TMEM216: variants seen among roughly 807,000 people sequenced by gnomAD.
The protein encoded by TMEM216 is transmembrane protein 216.
In TMEM216, 15 loss-of-function variants were observed where a neutral mutation model predicts 17.8. That is an observed-to-expected ratio of 0.84 (90% confidence interval 0.56 to 1.30). The LOEUF (loss-of-function observed/expected upper bound fraction) is 1.30. Ranked by LOEUF, TMEM216 falls within the 50% of genes most tolerant of loss-of-function variation. The pLI, the probability that TMEM216 is intolerant of heterozygous loss-of-function variation, is 0.00. For missense variants in TMEM216, 160 were observed against 175.7 expected (o/e 0.91, Z 0.51); for synonymous variants, 58 against 73.5 (o/e 0.79, Z 1.08).
At chr11:61,393,697 A>G (rs754969615) in intron 2 of TMEM216, among the ~76,000 whole-genome samples, 187 bp from the exon 3 acceptor site, 1 of 152,214 alleles carries the variant, frequency 6.6e-6, no homozygotes, top group African/African-American at 2.4e-5. Context: ...AGTTAGGAGT[A>G]AAACACCATA....
At chr11:61,393,447 C>T in intron 2 of TMEM216, 115 bp downstream of exon 2, 2 of 727,842 alleles carry the variant, frequency 2.7e-6, no homozygotes, top group South Asian at 3.5e-5. Context: ...AGTTCTTTGT[C>T]GCTGCAAGGC....
Position 61,398,635 on chromosome 11 carries a change from T to C in TMEM216, c.*359T>C. On this transcript the variant is annotated 3_prime_UTR_variant, in exon 5 of 5. Coordinates refer to ENST00000515837, the MANE Select transcript of TMEM216 (RefSeq NM_001173990.3). ...GGCTCCTTGGGCTTCAAGCAGGACC[T>C]GAGCCACATGCTCCCTGTACGAGCT... The C allele has an allele frequency of 3.4e-6, 1 of 292,030 alleles. No homozygotes were observed. 18.1% of individuals were successfully genotyped at this position (292,030 alleles called of 1,614,324 possible).
chr11:61,393,591 T>C (rs1399863527), intron 2 of TMEM216, among the ~76,000 whole-genome samples: 1 of 152,210 alleles, frequency 6.6e-6, no homozygotes, highest in Non-Finnish European at 1.5e-5. Context: ...TGAGCTCCAC[T>C]GTAAGCCCAC....
At chr11:61,397,169 ATT>A (rs750796937) in intron 3 of TMEM216, among the ~76,000 whole-genome samples, 2 of 144,338 alleles carry the variant, frequency 1.4e-5, no homozygotes, top group Non-Finnish European at 3.1e-5. Flanking sequence ...CTGTGTTGAA[ATT>A]TTTTTTTTTT....
rs1339788749 is a variant in TMEM216, at chr11:61,392,875, G to A, written c.34+210G>A. On this transcript the variant is annotated intron_variant, in intron 1 of 4. Transcript: ENST00000515837. ...CTCAAATAAACGCAGATCCTTGGCTGGGCCACTTCTAGGCTGGCTCAGGTG... is the reference window on the plus strand; with the variant it reads ...CTCAAATAAACGCAGATCCTTGGCTAGGCCACTTCTAGGCTGGCTCAGGTG... 4 of 985,268 alleles carry A rather than the reference G, an allele frequency of 4.1e-6. No homozygotes were observed. In the African/African-American group the frequency reaches 7.0e-5, roughly 17 times the overall value. 61.0% of individuals were successfully genotyped at this position (985,268 alleles called of 1,614,324 possible). A position where few individuals can be genotyped will look rare whatever the true frequency, so the allele number is the denominator to read the frequency against.
intron 1 of TMEM216, 52 bp from the exon 2 acceptor site, chr11:61,393,179 A>G: frequency 7.2e-7 from 1 of 1,382,630 alleles, no homozygotes; most frequent in Non-Finnish European, 9.9e-7. Context: ...CCATACGAGC[A>G]GAGAGGGAGC....
chr11:61,398,479 A>T lies in TMEM216; in HGVS notation c.*203A>T, dbSNP rs1287971364. 3.4e-6 allele frequency: 2 copies of T among 591,254 alleles called. No homozygotes were observed. Among genetic ancestry groups the T allele is most frequent in the African/African-American group, 3.7e-5 (2 of 53,808 alleles). 36.6% of individuals were successfully genotyped at this position (591,254 alleles called of 1,614,324 possible). On this transcript the variant is annotated 3_prime_UTR_variant, in exon 5 of 5. Coordinates refer to ENST00000515837, the MANE Select transcript of TMEM216 (RefSeq NM_001173990.3). ...TAAACCAGGACCATCAGCCCAAGAG[A>T]CTCTTCTACACTCCAGTATAGGGAG...
chr11:61,395,047 G>A (rs1858769503), intron 3 of TMEM216, among the ~76,000 whole-genome samples: 1 of 152,088 alleles, frequency 6.6e-6, no homozygotes, highest in South Asian at 2.1e-4. Flanking sequence ...TACGATCATA[G>A]CTCACAGCAG....
Position 61,392,617 on chromosome 11 carries a change from C to T in TMEM216, c.-15C>T, listed in dbSNP as rs1858697344. The T allele has an allele frequency of 2.6e-6, 4 of 1,535,486 alleles. No individual in the cohort carries two copies. The highest frequency in any genetic ancestry group is 3.5e-6 in the Non-Finnish European group (4 of 1,146,678). ...CGGCAGCGCCGCGCTGCTCCGGGAGCCGCTGTGGCAGCGTATGCTGCCACG... is the reference window on the plus strand; with the variant it reads ...CGGCAGCGCCGCGCTGCTCCGGGAGTCGCTGTGGCAGCGTATGCTGCCACG... On this transcript the variant is annotated 5_prime_UTR_variant, in exon 1 of 5. Transcript: ENST00000515837.
At position 61,393,310 on chromosome 11, in the gene TMEM216, A is replaced by G. The variant is rs1425619800; in HGVS notation, c.114A>G (p.Glu38=). 1.3e-5 allele frequency: 20 copies of G among 1,535,716 alleles called. No homozygotes were observed. The highest frequency in any genetic ancestry group is 1.7e-5 in the Non-Finnish European group (19 of 1,146,608). The part of the protein sequence containing the change: ...GWYNATYFLL[E]LFIFLYKGVL... Reference sequence around the variant, plus strand: ...ATAATGCTACCTATTTCCTGCTGGAACTTTTCATATTTCTGTATAAAGGTA... The same window carrying G: ...ATAATGCTACCTATTTCCTGCTGGAGCTTTTCATATTTCTGTATAAAGGTA... The change falls in exon 2 of 5, where the codon GAA becomes GAG. Residue 38 remains glutamate (E), a synonymous_variant. Transcript: ENST00000515837.
At chr11:61,392,812 C>G in intron 1 of TMEM216, 147 bp downstream of exon 1, 1 of 1,511,744 alleles carries the variant, frequency 6.6e-7, no homozygotes, top group Non-Finnish European at 8.8e-7. Flanking sequence ...TCCGCGGTCC[C>G]GCCCACCCTG....
At chr11:61,395,571 A>C (rs1270934670) in intron 3 of TMEM216, among the ~76,000 whole-genome samples, 1 of 151,992 alleles carries the variant, frequency 6.6e-6, no homozygotes, top group Admixed American at 6.6e-5. Flanking sequence ...GGCCGTCTCT[A>C]CTAAAAATAC....
chr11:61,396,299 T>C (rs772423588), intron 3 of TMEM216, among the ~76,000 whole-genome samples: 12 of 151,262 alleles, frequency 7.9e-5, no homozygotes, highest in Non-Finnish European at 1.8e-4. Flanking sequence ...GCCCACATGA[T>C]GAAACCCCAT....
chr11:61,397,681 G>T, intron 3 of TMEM216, 93 bp from the exon 4 acceptor site: 3 of 1,151,436 alleles, frequency 2.6e-6, no homozygotes, highest in Admixed American at 3.9e-5. Flanking sequence ...ATTATTTTTT[G>T]TGCCTTGCCA....
chr11:61,394,194 A>T, intron 3 of TMEM216: 1 of 522,066 alleles, frequency 1.9e-6, no homozygotes, highest in Non-Finnish European at 3.5e-6. Context: ...ATAGAATGGG[A>T]TATTAGATGA....
intron 3 of TMEM216, among the ~76,000 whole-genome samples, chr11:61,395,728 C>CA (rs58991741): frequency 0.15 from 16,546 of 109,842 alleles, 3,075 homozygotes; most frequent in African/African-American, 0.45. Flanking sequence ...AAGTGAGACT[C>CA]AAAAAAAAAA....
chr11:61,393,196 C>T (rs1353516457), intron 1 of TMEM216, 35 bp from the exon 2 acceptor site: 33 of 1,481,532 alleles, frequency 2.2e-5, no homozygotes, highest in Non-Finnish European at 2.8e-5. Context: ...GAGCTGCCTT[C>T]CGGCCCATCC....
chr11:61,396,016 TA>T (rs1342844352), intron 3 of TMEM216, among the ~76,000 whole-genome samples: 1 of 152,018 alleles, frequency 6.6e-6, no homozygotes, highest in Non-Finnish European at 1.5e-5. Context: ...ATTTCACTTC[TA>T]AAACTAGATT....
chr11:61,392,823 G>A, intron 1 of TMEM216, 158 bp downstream of exon 1: 2 of 1,501,570 alleles, frequency 1.3e-6, no homozygotes, highest in Non-Finnish European at 1.8e-6. Context: ...GCCCACCCTG[G>A]GTGCCTGAAG....
Sources: gnomAD v4.1 joint callset for allele counts (sites outside exome capture counted in the v4.1 genomes callset) on GRCh38, gnomAD v4.1.1 for gene constraint, MANE v1.5 for transcripts, NCBI Gene and HGNC (gene_info 2026-07-23, HGNC 2026-07-21) for gene names.